Variants in SLC8A3 observed in about 807,000 individuals in gnomAD.
The protein encoded by SLC8A3 is sodium/calcium exchanger 3.
In SLC8A3, 37 loss-of-function variants were observed where a neutral mutation model predicts 65.4. That is an observed-to-expected ratio of 0.57 (90% CI 0.44 to 0.74). The LOEUF is 0.74. Among genes scored for constraint, SLC8A3 ranks in the 30% least tolerant of loss-of-function variants. SLC8A3 has a pLI of 0.00. For synonymous variants in SLC8A3, 461 were observed against 444.5 expected (o/e 1.04, Z -0.47); for missense variants, 1,112 against 1,172.1 (o/e 0.95, Z 0.75).
intron 2 of SLC8A3, among the ~76,000 whole-genome samples, chr14:70,119,250 G>A (rs910223967): frequency 5.3e-5 from 8 of 152,078 alleles, no homozygotes; most frequent in Non-Finnish European, 8.8e-5. Flanking sequence ...CAAGGCTACC[G>A]CTAGTCAATC....
chr14:70,090,850 T>A (rs147195183), intron 2 of SLC8A3, among the ~76,000 whole-genome samples: 38 of 152,282 alleles, frequency 2.5e-4, no homozygotes, highest in African/African-American at 9.1e-4. Context: ...CTTAGCTTTT[T>A]GGGGGATCAC....
chr14:70,158,130 A>G (rs1401765578), intron 2 of SLC8A3, among the ~76,000 whole-genome samples: 1 of 152,266 alleles, frequency 6.6e-6, no homozygotes, highest in African/African-American at 2.4e-5. Context: ...CACCTAGAGC[A>G]CAAATAGAGA....
chr14:70,170,989 A>G (rs1198961195), intron 1 of SLC8A3, among the ~76,000 whole-genome samples: 1 of 152,218 alleles, frequency 6.6e-6, no homozygotes, highest in East Asian at 1.9e-4. Flanking sequence ...CTTGTCATCA[A>G]TGATGTGCAC....
intron 2 of SLC8A3, among the ~76,000 whole-genome samples, chr14:70,095,379 G>T (rs899874118): frequency 1.3e-5 from 2 of 152,204 alleles, no homozygotes; most frequent in South Asian, 2.1e-4. Context: ...CAGTGACCTA[G>T]CATTGACACA....
At chr14:70,050,035 A>G (rs1025599993) in intron 5 of SLC8A3, among the ~76,000 whole-genome samples, 4 of 152,240 alleles carry the variant, frequency 2.6e-5, no homozygotes, top group African/African-American at 4.8e-5. Flanking sequence ...TTGAAAGAAC[A>G]GGAGTCAGAA....
intron 2 of SLC8A3, among the ~76,000 whole-genome samples, chr14:70,082,682 G>A (rs11851542): frequency 0.033 from 5,051 of 152,226 alleles, 295 homozygotes; most frequent in African/African-American, 0.12. Flanking sequence ...CCATGGGAGT[G>A]TAGCTGTGTC....
At chr14:70,118,394 C>T (rs1441663358) in intron 2 of SLC8A3, among the ~76,000 whole-genome samples, 1 of 152,158 alleles carries the variant, frequency 6.6e-6, no homozygotes, top group Non-Finnish European at 1.5e-5. Context: ...CCCTTTACAC[C>T]AGAGGAACCT....
intron 2 of SLC8A3, among the ~76,000 whole-genome samples, chr14:70,114,297 G>A (rs139102067): frequency 5.5e-4 from 83 of 152,284 alleles, no homozygotes; most frequent in African/African-American, 2.0e-3. Context: ...TTTGGTTCAA[G>A]CTTCTCATTT....
chr14:70,150,970 T>C (rs1200332400), intron 2 of SLC8A3, among the ~76,000 whole-genome samples: 1 of 152,182 alleles, frequency 6.6e-6, no homozygotes, highest in East Asian at 1.9e-4. Context: ...TTAAGAACTA[T>C]CTGGCCAGGC....
chr14:70,060,997 C>T, intron 2 of SLC8A3, 58 bp from the exon 3 acceptor site: 2 of 748,408 alleles, frequency 2.7e-6, no homozygotes, highest in Non-Finnish European at 4.6e-6. Flanking sequence ...GGTTGGTCAC[C>T]TGGAGCACAG....
Position 70,171,253 on chromosome 14 carries a change from C to T in SLC8A3, c.-62-2769G>A, listed in dbSNP as rs143766169. Among the ~76,000 whole-genome samples the T allele has an allele frequency of 4.1e-3, 619 of 152,230 alleles. 2 individuals are homozygous for T. The highest frequency in any genetic ancestry group is 7.9e-3 in the Admixed American group (121 of 15,292). On this transcript the variant is annotated intron_variant, in intron 1 of 6. Transcript: ENST00000356921. ...GTATCCATGGGGGAGAGAAGAGAGC[C>T]GGTCTTCCAGAGTGAAAGGACATGG... is the stretch of plus-strand genomic sequence containing the variant.
At chr14:70,108,515 C>T (rs1893037091) in intron 2 of SLC8A3, among the ~76,000 whole-genome samples, 1 of 152,110 alleles carries the variant, frequency 6.6e-6, no homozygotes, top group Admixed American at 6.6e-5. Context: ...TTTGCTGCTT[C>T]GTCTCCCCTT....
At chr14:70,150,831 A>T (rs949313013) in intron 2 of SLC8A3, among the ~76,000 whole-genome samples, 1 of 152,174 alleles carries the variant, frequency 6.6e-6, no homozygotes, top group Non-Finnish European at 1.5e-5. Context: ...TCACAAAATG[A>T]CTCTTAACTA....
intron 2 of SLC8A3, among the ~76,000 whole-genome samples, chr14:70,154,626 C>T (rs536147945): frequency 6.6e-6 from 1 of 152,336 alleles, no homozygotes; most frequent in East Asian, 1.9e-4. Flanking sequence ...CTGCTTAGGA[C>T]TTAGTTCTTT....
chr14:70,135,724 T>C (rs757501988), intron 2 of SLC8A3, among the ~76,000 whole-genome samples: 2 of 151,420 alleles, frequency 1.3e-5, no homozygotes, highest in Admixed American at 6.6e-5. Flanking sequence ...AGAGAGTAGA[T>C]TGGTGGTTAC....
chr14:70,148,450 G>C (rs570460645), intron 2 of SLC8A3, among the ~76,000 whole-genome samples: 20 of 152,158 alleles, frequency 1.3e-4, no homozygotes, highest in Non-Finnish European at 2.8e-4. Context: ...TTGAGGAAAG[G>C]AATACAGAAG....
chr14:70,090,940 G>A (rs1281203450), intron 2 of SLC8A3, among the ~76,000 whole-genome samples: 1 of 152,156 alleles, frequency 6.6e-6, no homozygotes, highest in African/African-American at 2.4e-5. Context: ...TAATTTCAGG[G>A]GGTTCAAAGA....
At chr14:70,176,149 C>G (rs1158093764) in intron 1 of SLC8A3, among the ~76,000 whole-genome samples, 1 of 152,222 alleles carries the variant, frequency 6.6e-6, no homozygotes, top group Non-Finnish European at 1.5e-5. Context: ...CTTGTGTAAA[C>G]CAGAGGACTT....
intron 2 of SLC8A3, among the ~76,000 whole-genome samples, chr14:70,134,038 A>G (rs991056740): frequency 3.3e-5 from 5 of 152,038 alleles, no homozygotes; most frequent in African/African-American, 9.7e-5. Context: ...ACTTTTGTCA[A>G]TTTGCTTTTG....
Sources: gnomAD v4.1 joint callset for allele counts (sites outside exome capture counted in the v4.1 genomes callset) on GRCh38, gnomAD v4.1.1 for gene constraint, MANE v1.5 for transcripts, NCBI Gene and HGNC (gene_info 2026-07-23, HGNC 2026-07-21) for gene names.